TNRC6A: variants seen among roughly 807,000 people sequenced by gnomAD.
The protein encoded by TNRC6A is trinucleotide repeat-containing gene 6A protein.
A neutral mutation model predicts 221.2 loss-of-function variants in TNRC6A; 44 were observed. That is an observed-to-expected ratio of 0.20 (90% CI 0.16 to 0.26). The LOEUF is 0.26. Ranked by LOEUF, TNRC6A falls within the 10% of genes least tolerant of loss-of-function variation. TNRC6A has a pLI of 1.00. For synonymous variants in TNRC6A, 847 were observed against 838.5 expected, an observed-to-expected ratio of 1.01 and a Z score of -0.18; for missense variants, 2,199 against 2,404.4, an observed-to-expected ratio of 0.91 and a Z score of 1.79.
At chr16:24,740,961 G>T (rs113762397) in intron 2 of TNRC6A, among the ~76,000 whole-genome samples, 7 of 152,268 alleles carry the variant, frequency 4.6e-5, no homozygotes, top group Non-Finnish European at 1.0e-4. Context: ...ATATTGTAGC[G>T]TGTGTCAGCC....
intron 3 of TNRC6A, among the ~76,000 whole-genome samples, chr16:24,751,174 G>T (rs564790554): frequency 6.6e-6 from 1 of 152,200 alleles, no homozygotes; most frequent in South Asian, 2.1e-4. Context: ...ACATAGAATG[G>T]TGTGACTTTA....
chr16:24,793,747 ATATAT>A, intron 7 of TNRC6A, 98 bp downstream of exon 7: 1 of 991,140 alleles, frequency 1.0e-6, no homozygotes, highest in East Asian at 3.3e-5. Flanking sequence ...GTTATTTATA[ATATAT>A]TCATATAATG....
In TNRC6A at chr16:24,823,806, A is replaced by G. The variant is rs1216130929; in HGVS notation, c.5888A>G (p.Ter1963=). Residue 1963 remains the stop codon, a stop_retained_variant, in exon 25 of 25, where the codon TAA becomes TGA. Coordinates refer to ENST00000395799, the MANE Select transcript of TNRC6A (RefSeq NM_014494.4). This position sits in a 1 kb window ranked among gnomAD's most constrained non-coding sequence, Gnocchi z 4.3. ...DHLGGGGESM[*] is the part of the protein sequence containing the mutation. ...CTGGGTGGGGGTGGAGAGTCCATGT[A>G]ACAGTGTAGATGCAGACTCACCGAC... 6.9e-7 allele frequency: 1 copy of G among 1,455,476 alleles called. No individual in the cohort carries two copies. The highest frequency in any genetic ancestry group is 9.1e-7 in the Non-Finnish European group (1 of 1,102,524). 90.2% of individuals were successfully genotyped at this position (1,455,476 alleles called of 1,614,324 possible).
intron 2 of TNRC6A, among the ~76,000 whole-genome samples, chr16:24,737,705 G>C (rs1053572844): frequency 9.2e-5 from 14 of 152,176 alleles, no homozygotes; most frequent in Admixed American, 5.9e-4. Flanking sequence ...TTGTTTTGCT[G>C]TTCTTATTAG....
At chr16:24,616,509 CT>C (rs1484913620) in intron 1 of TNRC6A, among the ~76,000 whole-genome samples, 1 of 152,056 alleles carries the variant, frequency 6.6e-6, no homozygotes, top group African/African-American at 2.4e-5. Flanking sequence ...ATATGAGATT[CT>C]GTTATTTCTA....
At chr16:24,750,066 G>A (rs886984177) in intron 2 of TNRC6A, among the ~76,000 whole-genome samples, 6 of 152,182 alleles carry the variant, frequency 3.9e-5, no homozygotes, top group African/African-American at 1.4e-4. Context: ...CTTGAACTCG[G>A]GAGGTGGAGG....
chr16:24,813,351 G>A (rs1427952443), intron 18 of TNRC6A, among the ~76,000 whole-genome samples: 1 of 152,134 alleles, frequency 6.6e-6, no homozygotes, highest in African/African-American at 2.4e-5. Context: ...CTCCCCACTT[G>A]TGGAGTCCCA....
At chr16:24,705,813 GGT>G (rs1036041405) in intron 2 of TNRC6A, among the ~76,000 whole-genome samples, 10 of 152,002 alleles carry the variant, frequency 6.6e-5, no homozygotes, top group Admixed American at 2.0e-4. Context: ...TCAGGAACAG[GGT>G]AAGAGAAATA....
intron 2 of TNRC6A, among the ~76,000 whole-genome samples, chr16:24,675,327 G>A (rs11074645): frequency 0.67 from 101,432 of 151,942 alleles, 35,923 homozygotes; most frequent in African/African-American, 0.91. Context: ...TAGATAGTAC[G>A]TGCCTGAATT....
intron 17 of TNRC6A, among the ~76,000 whole-genome samples, chr16:24,808,968 C>G (rs906491449): frequency 6.6e-6 from 1 of 152,228 alleles, no homozygotes; most frequent in South Asian, 2.1e-4. Flanking sequence ...TAAGATATAT[C>G]TGTCCCCAGC....
chr16:24,710,136 A>C (rs531478657), intron 2 of TNRC6A, among the ~76,000 whole-genome samples: 6 of 151,842 alleles, frequency 4.0e-5, no homozygotes, highest in Non-Finnish European at 8.8e-5. Flanking sequence ...GACTCAGGAG[A>C]ATCCCTTGAA....
intron 4 of TNRC6A, among the ~76,000 whole-genome samples, chr16:24,766,098 G>A (rs565901431): frequency 7.2e-5 from 11 of 152,142 alleles, no homozygotes; most frequent in South Asian, 6.2e-4. Flanking sequence ...GTGGTTAATC[G>A]GTACTTAGCC....
chr16:24,685,748 T>C (rs780570421), intron 2 of TNRC6A, among the ~76,000 whole-genome samples: 2 of 152,206 alleles, frequency 1.3e-5, no homozygotes, highest in Admixed American at 6.5e-5. Context: ...ACTCCATCTC[T>C]CTGTGCCTCG....
chr16:24,723,687 A>G (rs959542608), intron 2 of TNRC6A, among the ~76,000 whole-genome samples: 1 of 152,008 alleles, frequency 6.6e-6, no homozygotes, highest in African/African-American at 2.4e-5. Context: ...ACATTCACAC[A>G]GGTAAAAGGG....
chr16:24,636,546 C>T (rs764546577), intron 1 of TNRC6A, among the ~76,000 whole-genome samples: 16 of 151,724 alleles, frequency 1.1e-4, no homozygotes, highest in Non-Finnish European at 1.9e-4. Context: ...TATTTTTTAA[C>T]TTTTTTTTGA....
chr16:24,680,713 C>CA (rs560768377), intron 2 of TNRC6A, among the ~76,000 whole-genome samples: 34,999 of 118,070 alleles, frequency 0.3, 4,737 homozygotes, highest in Non-Finnish European at 0.35. Flanking sequence ...AAGACTCCAT[C>CA]AAAAAAAAAA....
Position 24,750,861 on chromosome 16 carries a change from TAAA to T in TNRC6A, c.141+55_141+57del, listed in dbSNP as rs34485608. ...ATATTAAGCAGTTTAAACATAGAAT[TAAA>T]AAAAAATTACTCTTACAGATTTTGA... is the stretch of plus-strand genomic sequence containing the variant. On this transcript the variant is annotated intron_variant, in intron 3 of 24. Coordinates refer to ENST00000395799, the MANE Select transcript of TNRC6A (RefSeq NM_014494.4). 449 of 1,342,432 alleles carry T rather than the reference TAAA, an allele frequency of 3.3e-4. 4 individuals carry two copies. In the South Asian group the frequency reaches 6.8e-3, roughly 20 times the overall value. 83.2% of individuals were successfully genotyped at this position (1,342,432 alleles called of 1,614,324 possible).
At chr16:24,741,148 A>C (rs1174168151) in intron 2 of TNRC6A, among the ~76,000 whole-genome samples, 1 of 152,172 alleles carries the variant, frequency 6.6e-6, no homozygotes, top group Admixed American at 6.5e-5. Flanking sequence ...TTACTCACAC[A>C]CGCACTCTCT....
Position 24,668,392 on chromosome 16 carries a change from C to CAT in TNRC6A, n.402+27392_402+27393dup, listed in dbSNP as rs10661967. On this transcript the variant is annotated intron_variant and non_coding_transcript_variant, in intron 2 of 2. Coordinates refer to the TNRC6A transcript ENST00000566108. ...AAGAAAAGAAAAGAAAAATAAATTA[C>CAT]ATATATATATGTATATGTATATTTC... Among the ~76,000 whole-genome samples, 1,137 of 151,740 alleles carry CAT rather than the reference C, an allele frequency of 7.5e-3. 19 individuals are homozygous for CAT. Among genetic ancestry groups the CAT allele is most frequent in the African/African-American group, 0.026 (1,063 of 41,274 alleles).
Sources: gnomAD v4.1 joint callset for allele counts (sites outside exome capture counted in the v4.1 genomes callset) on GRCh38, gnomAD v4.1.1 for gene constraint, Gnocchi (gnomAD v3.1) non-coding constraint, MANE v1.5 for transcripts, NCBI Gene and HGNC (gene_info 2026-07-23, HGNC 2026-07-21) for gene names.